FNBP1: variants seen among roughly 807,000 people sequenced by gnomAD.
The protein encoded by FNBP1 is formin binding protein 1.
In FNBP1, 26 loss-of-function variants were observed where a neutral mutation model predicts 90.6. That is an observed-to-expected ratio of 0.29 (90% CI 0.21 to 0.40). FNBP1 has a LOEUF of 0.40. Among genes scored for constraint, FNBP1 ranks in the 10% least tolerant of loss-of-function variants. FNBP1 has a pLI of 1.00. For missense variants in FNBP1, 635 were observed against 768.0 expected (o/e 0.83, Z 2.05); for synonymous variants, 260 against 265.2 (o/e 0.98, Z 0.19).
chr9:129,912,745 G>A (rs1248259214), intron 11 of FNBP1, among the ~76,000 whole-genome samples: 1 of 150,124 alleles, frequency 6.7e-6, no homozygotes, highest in East Asian at 2.0e-4. Flanking sequence ...CATTCACCTC[G>A]TTAATATGTG....
chr9:130,013,844 G>A, intron 1 of FNBP1: 1 of 437,332 alleles, frequency 2.3e-6, no homozygotes, highest in South Asian at 1.6e-5. Flanking sequence ...TGTTACAAAA[G>A]GGAGTTTGAT....
At chr9:129,925,220 G>A in intron 8 of FNBP1, 63 bp from the exon 9 acceptor site, 3 of 1,367,104 alleles carry the variant, frequency 2.2e-6, no homozygotes, top group Non-Finnish European at 2.1e-6. Context: ...TTTAAACAAT[G>A]AATTGGCCAG....
intron 12 of FNBP1, among the ~76,000 whole-genome samples, chr9:129,903,343 C>T (rs1471282848): frequency 5.9e-5 from 9 of 151,912 alleles, no homozygotes; most frequent in Non-Finnish European, 8.8e-5. Flanking sequence ...TGAGCTACCG[C>T]ACCACCCGGC....
At chr9:129,980,152 A>T (rs144050442) in intron 2 of FNBP1, among the ~76,000 whole-genome samples, 3,754 of 151,158 alleles carry the variant, frequency 0.025, 130 homozygotes, top group African/African-American at 0.083. Flanking sequence ...CTGAGGTTGG[A>T]AGTTCGAGAC....
intron 16 of FNBP1, among the ~76,000 whole-genome samples, chr9:129,892,669 G>T (rs759875822): frequency 1.3e-5 from 2 of 152,154 alleles, no homozygotes; most frequent in African/African-American, 4.8e-5. Flanking sequence ...ACAGACAACT[G>T]CTAGAAGATA....
At chr9:129,892,366 GACACACACACACACACACAC>G (rs3138855) in intron 16 of FNBP1, among the ~76,000 whole-genome samples, 4 of 103,426 alleles carry the variant, frequency 3.9e-5, no homozygotes, top group African/African-American at 8.4e-5. Flanking sequence ...GCACATCGTA[GACACACACACACACACACAC>G]ACACACACAC....
intron 10 of FNBP1, chr9:129,919,238 T>C: frequency 2.3e-6 from 3 of 1,295,604 alleles, no homozygotes; most frequent in Non-Finnish European, 3.0e-6. Context: ...ACAGAAAGAC[T>C]GAGTCTGCCA....
At chr9:130,011,857 A>C (rs2056650737) in intron 1 of FNBP1, among the ~76,000 whole-genome samples, 4 of 152,234 alleles carry the variant, frequency 2.6e-5, no homozygotes, top group Non-Finnish European at 5.9e-5. Context: ...TTATCTACAG[A>C]TTCAATGCAG....
chr9:129,963,634 T>TTTTTA (rs139393699), intron 4 of FNBP1, among the ~76,000 whole-genome samples: 1 of 107,718 alleles, frequency 9.3e-6, no homozygotes, highest in East Asian at 2.7e-4. Context: ...TTTTTTTTTT[T>TTTTTA]AAAAAAACAA....
rs2059804165 is a variant in FNBP1 at position 130,041,332 on chromosome 9, T to C, written c.24+1620A>G. On this transcript the variant is annotated intron_variant, in intron 1 of 16. Transcript: ENST00000446176. The surrounding 1 kb of genome is among the most constrained non-coding windows in gnomAD (Gnocchi z 4.3). ...CTGTCCACCAAGGTATTGTGTTCGG[T>C]CCCTATTTCACTCAGAAATATATTG... 6.6e-6 allele frequency among the ~76,000 whole-genome samples: 1 copy of C among 152,162 alleles called. No individual in the cohort carries two copies. The highest frequency in any genetic ancestry group is 1.5e-5 in the Non-Finnish European group (1 of 68,036).
At chr9:130,021,763 T>C (rs138053634) in intron 1 of FNBP1, among the ~76,000 whole-genome samples, 1 of 152,348 alleles carries the variant, frequency 6.6e-6, no homozygotes, top group East Asian at 1.9e-4. Context: ...AATTGTTTTA[T>C]ACAGCATTTG....
At chr9:129,925,785 G>A (rs1050705005) in intron 8 of FNBP1, among the ~76,000 whole-genome samples, 16 of 150,942 alleles carry the variant, frequency 1.1e-4, no homozygotes, top group African/African-American at 3.9e-4. Flanking sequence ...GTAGAGATGG[G>A]GTTTCGCCAT....
intron 4 of FNBP1, among the ~76,000 whole-genome samples, chr9:129,965,794 G>GA (rs1564453652): frequency 3.7e-5 from 5 of 133,520 alleles, no homozygotes; most frequent in Admixed American, 7.9e-5. Context: ...AGGAGGGAGG[G>GA]AGGGGGGAAG....
intron 6 of FNBP1, among the ~76,000 whole-genome samples, chr9:129,939,084 T>A (rs1444959867): frequency 6.6e-6 from 1 of 152,070 alleles, no homozygotes; most frequent in Non-Finnish European, 1.5e-5. Flanking sequence ...TTCAAGCGAT[T>A]CTCCTGTCTC....
intron 6 of FNBP1, among the ~76,000 whole-genome samples, chr9:129,932,694 TTGG>T (rs2042942986): frequency 6.6e-6 from 1 of 152,182 alleles, no homozygotes; most frequent in African/African-American, 2.4e-5. Flanking sequence ...TTCCTCTTTG[TTGG>T]TGGCCTGTTA....
chr9:129,892,366 GACACACAC>G (rs3138855), intron 16 of FNBP1, among the ~76,000 whole-genome samples: 1,333 of 103,460 alleles, frequency 0.013, 3 homozygotes, highest in Non-Finnish European at 0.018. Flanking sequence ...GCACATCGTA[GACACACAC>G]ACACACACAC....
At chr9:130,004,429 A>C (rs1389108253) in intron 1 of FNBP1, among the ~76,000 whole-genome samples, 1 of 152,170 alleles carries the variant, frequency 6.6e-6, no homozygotes. Flanking sequence ...CCTGCAGTGA[A>C]TTATTCACCC....
chr9:130,002,787 T>C (rs2055058546), intron 1 of FNBP1, among the ~76,000 whole-genome samples: 2 of 152,120 alleles, frequency 1.3e-5, no homozygotes, highest in Admixed American at 6.6e-5. Context: ...CAAATGGATG[T>C]TTCCAAGCTG....
intron 1 of FNBP1, among the ~76,000 whole-genome samples, chr9:130,039,965 C>T (rs1476542071): frequency 6.6e-6 from 1 of 152,150 alleles, no homozygotes; most frequent in East Asian, 1.9e-4. Flanking sequence ...GCTCTTTCTC[C>T]ATCTAGAAGA....
Sources: gnomAD v4.1 joint callset for allele counts (sites outside exome capture counted in the v4.1 genomes callset) on GRCh38, gnomAD v4.1.1 for gene constraint, Gnocchi (gnomAD v3.1) non-coding constraint, MANE v1.5 for transcripts, NCBI Gene and HGNC (gene_info 2026-07-23, HGNC 2026-07-21) for gene names.